SYNE2: variants seen among roughly 807,000 people sequenced by gnomAD.
SYNE2 encodes spectrin repeat containing nuclear envelope protein 2.
SYNE2 carries 431 observed loss-of-function variants against 856.3 expected under a neutral mutation model. That is an observed-to-expected ratio of 0.50 (90% CI 0.47 to 0.55). The LOEUF (loss-of-function observed/expected upper bound fraction) is 0.55, where lower values mean the gene tolerates loss of function less well. Ranked by LOEUF, SYNE2 falls within the 20% of genes least tolerant of loss-of-function variation. SYNE2 has a pLI of 0.00. For missense variants in SYNE2, 8,129 were observed against 8,023.2 expected, an observed-to-expected ratio of 1.01 and a Z score of -0.50; for synonymous variants, 2,923 against 2,872.3, an observed-to-expected ratio of 1.02 and a Z score of -0.56.
In SYNE2 at chr14:63,775,238, GTGCTGGGTTTACAGACATGA is replaced by G. The variant is rs1377605694; in HGVS notation, c.-305+13253_-305+13272del. Among the ~76,000 whole-genome samples, 5 of 152,162 alleles carry G rather than the reference GTGCTGGGTTTACAGACATGA, an allele frequency of 3.3e-5. No individual in the cohort carries two copies. The East Asian group carries it at 9.7e-4, about 29-fold the overall frequency. ...TGATCCACCACCTCGGCCTCCCAAA[GTGCTGGGTTTACAGACATGA>G]GCCACCACTCTTGGCCTTTATTTAC... On this transcript the variant is annotated intron_variant, in intron 1 of 23. Coordinates refer to the SYNE2 transcript ENST00000674003.
At chr14:64,021,553 A>C (rs2096936026) in intron 36 of SYNE2, 38 bp downstream of exon 36, 1 of 1,606,786 alleles carries the variant, frequency 6.2e-7, no homozygotes, top group Non-Finnish European at 8.5e-7. Flanking sequence ...GTTCAGATTT[A>C]TTTTCACACT....
chr14:63,814,891 CAT>C (rs1373382701), intron 1 of SYNE2, among the ~76,000 whole-genome samples: 2,056 of 74,988 alleles, frequency 0.027, 76 homozygotes, highest in African/African-American at 0.043. Flanking sequence ...TATATATATC[CAT>C]ATATATATCC....
chr14:64,021,549 A>G, intron 36 of SYNE2, 34 bp downstream of exon 36: 1 of 1,609,230 alleles, frequency 6.2e-7, no homozygotes, highest in Non-Finnish European at 8.5e-7. Flanking sequence ...TGTGGTTCAG[A>G]TTTATTTTCA....
Position 63,778,159 on chromosome 14 carries a change from C to T in SYNE2, c.-305+16173C>T, listed in dbSNP as rs79968307. The stretch of plus-strand genomic sequence containing the variant: ...TGGGGGCATTTCCCCGCATCCTGTT[C>T]TCCTGATAGTGAGTGAGTTCTCACG... On this transcript the variant is annotated intron_variant, in intron 1 of 23. Coordinates refer to the SYNE2 transcript ENST00000674003. Among the ~76,000 whole-genome samples the T allele has an allele frequency of 3.1e-3, 479 of 152,234 alleles. 3 individuals carry two copies. The highest frequency in any genetic ancestry group is 0.011 in the African/African-American group (459 of 41,542).
chr14:63,832,224 G>A (rs1275549194), intron 1 of SYNE2, among the ~76,000 whole-genome samples: 1 of 151,950 alleles, frequency 6.6e-6, no homozygotes, highest in East Asian at 2.0e-4. Context: ...GAGGCCAGCT[G>A]AGTGTGGTGG....
Position 64,065,739 on chromosome 14 carries a change from A to T in SYNE2, c.10431+89A>T. The T allele has an allele frequency of 6.3e-6, 9 of 1,432,934 alleles. No individual in the cohort carries two copies. In the South Asian group the frequency reaches 1.1e-4, roughly 18 times the overall value. The allele number at this position is 1,432,934 out of a possible 1,614,324, so 88.8% of individuals were successfully genotyped here. A position where few individuals can be genotyped will look rare whatever the true frequency, so the allele number is the denominator to read the frequency against. Reference sequence around the variant, plus strand: ...TTTCACCTTGTTTTTCTATAAAACGAGTCCTTAGCCTATACCATTTGTGCA... The same window carrying T: ...TTTCACCTTGTTTTTCTATAAAACGTGTCCTTAGCCTATACCATTTGTGCA... On this transcript the variant is annotated intron_variant, in intron 51 of 115. Coordinates refer to ENST00000555002, the MANE Select transcript of SYNE2 (RefSeq NM_182914.3).
At chr14:63,965,955 A>G (rs1566928555) in intron 10 of SYNE2, among the ~76,000 whole-genome samples, 1 of 152,184 alleles carries the variant, frequency 6.6e-6, no homozygotes, top group Non-Finnish European at 1.5e-5. Flanking sequence ...GGGTTTCCTA[A>G]ATAGGAAGAA....
In SYNE2 at chr14:63,993,913, G is replaced by T. The variant is rs770250409; in HGVS notation, c.2725G>T (p.Glu909Ter). 6.2e-7 allele frequency: 1 copy of T among 1,613,164 alleles called. No individual in the cohort carries two copies. The highest frequency in any genetic ancestry group is 2.2e-5 in the East Asian group (1 of 44,852). The change falls in exon 22 of 116, where the codon GAG becomes TAG. Residue 909 changes from glutamate to a stop codon, truncating the protein, a stop_gained. Coordinates refer to ENST00000555002, the MANE Select transcript of SYNE2 (RefSeq NM_182914.3). LOFTEE classifies it high-confidence loss of function. Reference sequence around the variant, plus strand: ...TGAAGAACTAAAAAATAATGTAACTGAGGACATAAAGATGTCTTTAGAAGA... The same window carrying T: ...TGAAGAACTAAAAAATAATGTAACTTAGGACATAAAGATGTCTTTAGAAGA... ...AVEELKNNVTEDIKMSLEEKS... is the reference protein window; with the variant it reads ...AVEELKNNVT
chr14:64,080,401 G>A, intron 55 of SYNE2, 55 bp from the exon 56 acceptor site: 1 of 1,562,980 alleles, frequency 6.4e-7, no homozygotes, highest in South Asian at 1.1e-5. Flanking sequence ...ACCAGGCATT[G>A]CCTCCATAAA....
In SYNE2 at chr14:64,130,111, G is replaced by A. The variant is rs538224852; in HGVS notation, c.14203G>A (p.Val4735Ile). 24 of 1,614,178 alleles carry A rather than the reference G, an allele frequency of 1.5e-5. No individual in the cohort carries two copies. The highest frequency in any genetic ancestry group is 6.7e-5 in the Admixed American group (4 of 60,026). Residue 4735 changes from valine to isoleucine, a missense_variant, in exon 76 of 116, where the codon GTC (valine) becomes ATC (isoleucine). By Grantham distance (29) the Val-to-Ile change is conservative. Coordinates refer to ENST00000555002, the MANE Select transcript of SYNE2 (RefSeq NM_182914.3). Reference protein sequence around the residue: ...ARYTELSSPFVTESQQDALLQ... With the variant: ...ARYTELSSPFITESQQDALLQ... ...GTACACAGAACTCAGCAGCCCTTTCGTCACTGAGAGCCAGCAAGATGCTTT... is the reference window on the plus strand; with the variant it reads ...GTACACAGAACTCAGCAGCCCTTTCATCACTGAGAGCCAGCAAGATGCTTT...
intron 11 of SYNE2, among the ~76,000 whole-genome samples, chr14:63,969,429 A>T (rs1255892227): frequency 7.4e-6 from 1 of 134,954 alleles, no homozygotes. Flanking sequence ...CAACCCCTCC[A>T]CCTCCTGGAT....
intron 2 of SYNE2, among the ~76,000 whole-genome samples, chr14:63,939,282 G>T (rs1337530736): frequency 3.3e-5 from 5 of 152,082 alleles, no homozygotes; most frequent in African/African-American, 1.2e-4. Flanking sequence ...TGCTCAGAGG[G>T]GCAAGAAGGG....
chr14:63,879,167 A>T (rs2094799379), intron 1 of SYNE2, among the ~76,000 whole-genome samples: 1 of 152,170 alleles, frequency 6.6e-6, no homozygotes, highest in Non-Finnish European at 1.5e-5. Context: ...ACCTACCCCA[A>T]CCTTGAGTTG....
At chr14:64,154,006 A>G (rs982928671) in intron 85 of SYNE2, among the ~76,000 whole-genome samples, 10 of 152,176 alleles carry the variant, frequency 6.6e-5, no homozygotes, top group African/African-American at 2.2e-4. Context: ...CTCTGCATTC[A>G]TACAATATAC....
At chr14:64,183,809 G>C (rs907759532) in intron 96 of SYNE2, among the ~76,000 whole-genome samples, 1 of 152,068 alleles carries the variant, frequency 6.6e-6, no homozygotes, top group Non-Finnish European at 1.5e-5. Flanking sequence ...CCAGGCACTC[G>C]GCAGGCTGAG....
In SYNE2 at chr14:64,100,557, T is replaced by TATAG. The variant is rs1567299327; in HGVS notation, c.12382-1372_12382-1371insGATA. On this transcript the variant is annotated intron_variant, in intron 63 of 115. Transcript: ENST00000555002. ...ATATATATATATATATATATATATATATATATATATATATTTATGACATGT... is the reference window on the plus strand; with the variant it reads ...ATATATATATATATATATATATATATATAGATATATATATATATTTATGACATGT... Among the ~76,000 whole-genome samples, 26 of 128,778 alleles carry TATAG rather than the reference T, an allele frequency of 2.0e-4. 1 individual carries two copies. Among genetic ancestry groups the TATAG allele is most frequent in the South Asian group, 7.3e-4 (3 of 4,102 alleles). 84.5% of individuals were successfully genotyped at this position (128,778 alleles called of 152,430 possible).
chr14:63,994,046 TGGG>T (rs2096691780), intron 22 of SYNE2, 77 bp downstream of exon 22: 11 of 1,494,226 alleles, frequency 7.4e-6, no homozygotes, highest in Non-Finnish European at 8.4e-6. Flanking sequence ...GAGCCATTCC[TGGG>T]GTTTTCCTGT....
chr14:63,830,966 G>A (rs1366514740), intron 1 of SYNE2, among the ~76,000 whole-genome samples: 2 of 148,942 alleles, frequency 1.3e-5, no homozygotes, highest in South Asian at 2.1e-4. Flanking sequence ...TCAGCCTCCC[G>A]AGTATCTGGG....
Position 64,217,742 on chromosome 14 carries a change from T to G in SYNE2, c.19543-656T>G, listed in dbSNP as rs535319456. Among the ~76,000 whole-genome samples the G allele has an allele frequency of 1.3e-3, 170 of 133,318 alleles. 1 individual carries two copies. Among genetic ancestry groups the G allele is most frequent in the South Asian group, 4.3e-3 (19 of 4,448 alleles). The allele number at this position is 133,318 out of a possible 152,430, so 87.5% of individuals were successfully genotyped here. ...AGATGTATCACCACAAATCTGAAGG[T>G]TTTTTTTTTATTATTTTCATTCTGC... is the stretch of plus-strand genomic sequence containing the variant. On this transcript the variant is annotated intron_variant, in intron 108 of 115. Transcript: ENST00000555002.
Sources: gnomAD v4.1 joint callset for allele counts (sites outside exome capture counted in the v4.1 genomes callset) on GRCh38, gnomAD v4.1.1 for gene constraint, MANE v1.5 for transcripts, NCBI Gene and HGNC (gene_info 2026-07-23, HGNC 2026-07-21) for gene names.